The following PLXNA1 variants were observed in gnomAD, a reference collection of about 807,000 sequenced individuals.
The protein encoded by PLXNA1 is plexin-A1.
PLXNA1 carries 77 observed loss-of-function variants against 191.7 expected under a neutral mutation model. The ratio of observed to expected loss-of-function variants is 0.40; its 90% CI spans 0.33 to 0.49. PLXNA1 has a LOEUF of 0.49. Among genes scored for constraint, PLXNA1 ranks in the 20% least tolerant of loss-of-function variants. PLXNA1 has a pLI of 0.63. For synonymous variants in PLXNA1, 1,137 were observed against 1,156.4 expected (o/e 0.98, Z 0.34); for missense variants, 2,110 against 2,660.2 (o/e 0.79, Z 4.55).
rs558223754 is a variant in PLXNA1, at chr3:127,000,933, G to T, written c.1378-2397G>T. Reference sequence around the variant, plus strand: ...TGGCCATGCCATGGCCTCTCCTGGGGCTCTGTCTCCCTGGGCCCAGCCTGT... The same window carrying T: ...TGGCCATGCCATGGCCTCTCCTGGGTCTCTGTCTCCCTGGGCCCAGCCTGT... On this transcript the variant is annotated intron_variant, in intron 3 of 31. Transcript: ENST00000393409. Among the ~76,000 whole-genome samples the T allele has an allele frequency of 5.3e-5, 8 of 152,304 alleles. No individual in the cohort carries two copies. The East Asian group carries it at 1.5e-3, about 29-fold the overall frequency.
intron 23 of PLXNA1, among the ~76,000 whole-genome samples, chr3:127,024,309 G>T (rs2079166950): frequency 6.6e-6 from 1 of 152,222 alleles, no homozygotes; most frequent in East Asian, 1.9e-4. Context: ...CCAGCGCAGA[G>T]TGTGGCCCCA....
At chr3:126,997,122 C>T (rs1026248017) in intron 3 of PLXNA1, among the ~76,000 whole-genome samples, 1 of 152,180 alleles carries the variant, frequency 6.6e-6, no homozygotes, top group Non-Finnish European at 1.5e-5. Context: ...AGCTGTGGTG[C>T]GTGCCATGTC....
At chr3:127,004,781 C>T (rs1374740862) in intron 5 of PLXNA1, 70 bp downstream of exon 5, 12 of 1,592,268 alleles carry the variant, frequency 7.5e-6, no homozygotes, top group Non-Finnish European at 1.0e-5. Flanking sequence ...GGAGGGGGAG[C>T]CTGGTGCAGG....
At chr3:126,989,907 C>A in intron 2 of PLXNA1, 120 bp downstream of exon 2, 1 of 882,292 alleles carries the variant, frequency 1.1e-6, no homozygotes, top group Non-Finnish European at 1.7e-6. Flanking sequence ...TTTGGCTTGG[C>A]CATCCCCATG....
At position 127,027,663 on chromosome 3, in the gene PLXNA1, G is replaced by A. The variant is rs778789235; in HGVS notation, c.4363-277G>A. ...CCCTGATGCAGGTCCCGCGTGCCAC[G>A]CCATGTTCCTCGATACACTACTGCG... On this transcript the variant is annotated intron_variant, in intron 23 of 31. Coordinates refer to ENST00000393409, the MANE Select transcript of PLXNA1 (RefSeq NM_032242.4). 8 of 592,524 alleles carry A rather than the reference G, an allele frequency of 1.4e-5. 1 individual carries two copies. Among genetic ancestry groups the A allele is most frequent in the Non-Finnish European group, 2.5e-5 (8 of 315,796 alleles). 36.7% of individuals were successfully genotyped at this position (592,524 alleles called of 1,614,324 possible).
rs551263472 is a variant in PLXNA1 at position 127,034,310 on chromosome 3, T to C, written c.*293T>C. The stretch of plus-strand genomic sequence containing the variant: ...TCATTGCCTGGCAAGAGCTGCCCAG[T>C]GGCCTTCATGGGAGAAGGGCTGACC... On this transcript the variant is annotated 3_prime_UTR_variant, in exon 32 of 32. Coordinates refer to ENST00000393409, the MANE Select transcript of PLXNA1 (RefSeq NM_032242.4). 3 of 333,986 alleles carry C rather than the reference T, an allele frequency of 9.0e-6. No individual in the cohort carries two copies. Among genetic ancestry groups the C allele is most frequent in the South Asian group, 1.6e-4 (2 of 12,124 alleles). 20.7% of individuals were successfully genotyped at this position (333,986 alleles called of 1,614,324 possible).
chr3:127,020,103 TCAGAGC>T, intron 20 of PLXNA1, 93 bp from the exon 21 acceptor site: 1 of 1,463,088 alleles, frequency 6.8e-7, no homozygotes, highest in Non-Finnish European at 9.3e-7. Context: ...CCAGTAAGTG[TCAGAGC>T]CAGGATTTGA....
intron 3 of PLXNA1, among the ~76,000 whole-genome samples, chr3:126,997,650 T>C (rs1315886483): frequency 6.6e-6 from 1 of 152,208 alleles, no homozygotes; most frequent in Non-Finnish European, 1.5e-5. Flanking sequence ...CTCCTGGATG[T>C]AGTTGGCCAC....
intron 20 of PLXNA1, among the ~76,000 whole-genome samples, chr3:127,018,858 C>T (rs1001233038): frequency 5.3e-5 from 8 of 152,226 alleles, no homozygotes; most frequent in African/African-American, 1.9e-4. Context: ...CTAGAGTGGG[C>T]ACAATGACAG....
In PLXNA1 at chr3:127,014,791, C is replaced by G; in HGVS notation, c.2837C>G (p.Pro946Arg). 1 of 1,612,802 alleles carries G rather than the reference C, an allele frequency of 6.2e-7. No individual in the cohort carries two copies. Residue 946 changes from proline (P) to arginine (R), a missense_variant, in exon 14 of 32, where the codon CCA becomes CGA. This residue lies in a region of PLXNA1 where 644 missense variants were observed against 714.3 expected (regional missense o/e 0.90). Transcript: ENST00000393409. ...GAGGTGTGTGTGCGGGACTGCTCACCACACTACCGCGCCCTGTCACCCAAG... is the reference window on the plus strand; with the variant it reads ...GAGGTGTGTGTGCGGGACTGCTCACGACACTACCGCGCCCTGTCACCCAAG... ...LVEVCVRDCS[P>R]HYRALSPKRF...
chr3:127,035,855 G>C lies in PLXNA1; in HGVS notation c.*1838G>C, dbSNP rs1247249517. On this transcript the variant is annotated 3_prime_UTR_variant, in exon 32 of 32. Coordinates refer to ENST00000393409, the MANE Select transcript of PLXNA1 (RefSeq NM_032242.4). ...AGAGACCCGCCTCTTCCCTGAACGC[G>C]GGTCGGTGTGGAGTCAGTGACTGCT... 1 of 152,262 alleles carries C rather than the reference G, an allele frequency of 6.6e-6. No individual in the cohort carries two copies. Among genetic ancestry groups the C allele is most frequent in the Non-Finnish European group, 1.5e-5 (1 of 68,022 alleles). The allele number at this position is 152,262 out of a possible 1,614,324, so 9.4% of individuals were successfully genotyped here.
intron 9 of PLXNA1, 151 bp from the exon 10 acceptor site, chr3:127,011,807 C>T: frequency 1.4e-6 from 1 of 733,940 alleles, no homozygotes. Flanking sequence ...ACTGTCCCAG[C>T]CAGCGGTCCT....
At chr3:127,032,266 C>A in intron 29 of PLXNA1, 121 bp from the exon 30 acceptor site, 1 of 999,634 alleles carries the variant, frequency 1.0e-6, no homozygotes, top group Admixed American at 2.4e-5. Flanking sequence ...CTGTGGGCCT[C>A]GTTTCCCCGT....
chr3:127,016,561 G>C lies in PLXNA1; in HGVS notation c.3059G>C (p.Ser1020Thr). 6.2e-7 allele frequency: 1 copy of C among 1,613,908 alleles called. No individual in the cohort carries two copies. Residue 1020 changes from serine to threonine, a missense_variant, in exon 16 of 32, where the codon AGC becomes ACC. Physicochemically the swap from Ser to Thr is moderately conservative, Grantham distance 58 (BLOSUM62 1). Transcript: ENST00000393409. ...CGGTGCCTGACACCCCCCGGGCAGA[G>C]CCCTGGCAGCGCTCCCATCATCATC... The part of the protein sequence containing the change: ...EIRCLTPPGQ[S>T]PGSAPIIINI...
At position 127,022,245 on chromosome 3, in the gene PLXNA1, A is replaced by G; in HGVS notation, c.4199A>G (p.Glu1400Gly). ...CTCATCATGACGGCCCTGCAGGGCG[A>G]GATGGAATACGCCACAGGCGTGCTC... ...ASLIMTALQGEMEYATGVLKQ... is the reference protein window; with the variant it reads ...ASLIMTALQGGMEYATGVLKQ... The change falls in exon 22 of 32, where the codon GAG becomes GGG. Residue 1400 changes from glutamate (E) to glycine (G), a missense_variant. Physicochemically the swap from Glu to Gly is moderately conservative, Grantham distance 98. Around this residue, in one of 4 missense-constraint regions of PLXNA1, gnomAD observed 559 missense variants for 911.5 expected, o/e 0.61. Coordinates refer to ENST00000393409, the MANE Select transcript of PLXNA1 (RefSeq NM_032242.4). 1 of 1,613,400 alleles carries G rather than the reference A, an allele frequency of 6.2e-7. No homozygotes were observed. The highest frequency in any genetic ancestry group is 8.5e-7 in the Non-Finnish European group (1 of 1,179,964).
chr3:127,016,706 T>TCCCTATCC (rs2079125563), intron 16 of PLXNA1, 22 bp downstream of exon 16: 1 of 1,613,066 alleles, frequency 6.2e-7, no homozygotes, highest in Non-Finnish European at 8.5e-7. Context: ...CAACACCCAT[T>TCCCTATCC]CCCTATCCCC....
At chr3:127,016,494 C>T (rs772730567) in intron 15 of PLXNA1, 23 bp from the exon 16 acceptor site, 1 of 1,611,980 alleles carries the variant, frequency 6.2e-7, no homozygotes, top group Non-Finnish European at 8.5e-7. Context: ...GTGCTCCTCA[C>T]TGTCCCACTC....
chr3:127,034,089 C>A lies in PLXNA1; in HGVS notation c.*72C>A. 2 of 1,362,310 alleles carry A rather than the reference C, an allele frequency of 1.5e-6. No homozygotes were observed. The highest frequency in any genetic ancestry group is 2.0e-6 in the Non-Finnish European group (2 of 986,560). The allele number at this position is 1,362,310 out of a possible 1,614,324, so 84.4% of individuals were successfully genotyped here. Reference sequence around the variant, plus strand: ...GCAGGGACCGGGACAGCCCTCACCGCATGCGTGTGGAGTGTCCGGTGGTGC... The same window carrying A: ...GCAGGGACCGGGACAGCCCTCACCGAATGCGTGTGGAGTGTCCGGTGGTGC... On this transcript the variant is annotated 3_prime_UTR_variant, in exon 32 of 32. Transcript: ENST00000393409.
In PLXNA1 at chr3:127,003,405, C is replaced by G; in HGVS notation, c.1453C>G (p.Pro485Ala). 1 of 1,611,788 alleles carries G rather than the reference C, an allele frequency of 6.2e-7. No homozygotes were observed. The highest frequency in any genetic ancestry group is 1.1e-5 in the South Asian group (1 of 90,978). ...YESVVAQEGS[P>A]ILRDLVLSPN... ...GAGCGTCGTGGCCCAGGAGGGCAGCCCCATCCTGCGAGACCTCGTCCTCAG... is the reference window on the plus strand; with the variant it reads ...GAGCGTCGTGGCCCAGGAGGGCAGCGCCATCCTGCGAGACCTCGTCCTCAG... The change falls in exon 4 of 32, where the codon CCC (proline) becomes GCC (alanine). Residue 485 changes from proline to alanine, a missense_variant. Transcript: ENST00000393409.
Sources: gnomAD v4.1 joint callset for allele counts (sites outside exome capture counted in the v4.1 genomes callset) on GRCh38, gnomAD v4.1.1 for gene constraint, gnomAD v4.1.1 regional missense constraint, MANE v1.5 for transcripts, NCBI Gene and HGNC (gene_info 2026-07-23, HGNC 2026-07-21) for gene names.